SUMF1: variants seen among roughly 807,000 people sequenced by gnomAD.
SUMF1 encodes formylglycine-generating enzyme.
A neutral mutation model predicts 47.6 loss-of-function variants in SUMF1; 48 were observed. The observed-to-expected ratio is 1.01, with a 90% CI of 0.80 to 1.28. The LOEUF (loss-of-function observed/expected upper bound fraction) is 1.28. SUMF1 is among the 50% of genes most tolerant of loss of function. The pLI is 0.00. For synonymous variants in SUMF1, 230 were observed against 192.1 expected, an observed-to-expected ratio of 1.20 and a Z score of -1.63; for missense variants, 571 against 485.4, an observed-to-expected ratio of 1.18 and a Z score of -1.66.
intron 8 of SUMF1, among the ~76,000 whole-genome samples, chr3:4,348,819 G>A (rs920492882): frequency 6.6e-6 from 1 of 152,198 alleles, no homozygotes; most frequent in Non-Finnish European, 1.5e-5. Flanking sequence ...AGGTTGCGGT[G>A]AGCCAAGATC....
At chr3:4,150,535 G>A (rs1416702716) in intron 8 of SUMF1, among the ~76,000 whole-genome samples, 1 of 128,148 alleles carries the variant, frequency 7.8e-6, no homozygotes, top group African/African-American at 2.8e-5. Flanking sequence ...GCACTCCAGA[G>A]TGAGACTCCG....
intron 8 of SUMF1, among the ~76,000 whole-genome samples, chr3:4,120,355 G>A (rs1225820887): frequency 6.6e-6 from 1 of 152,104 alleles, no homozygotes; most frequent in African/African-American, 2.4e-5. Context: ...CTGAAAGCTT[G>A]TTAGATCTCA....
At chr3:4,134,411 T>G (rs1693870192) in intron 8 of SUMF1, among the ~76,000 whole-genome samples, 1 of 152,122 alleles carries the variant, frequency 6.6e-6, no homozygotes, top group African/African-American at 2.4e-5. Context: ...AGATGTTCTT[T>G]GAATCCAATG....
chr3:4,075,072 T>A (rs1005676234), intron 8 of SUMF1, among the ~76,000 whole-genome samples: 1 of 152,140 alleles, frequency 6.6e-6, no homozygotes, highest in Admixed American at 6.5e-5. Context: ...ATATCCCTGA[T>A]GAACATCAAT....
At chr3:4,228,277 CAT>C (rs1319455832) in intron 8 of SUMF1, among the ~76,000 whole-genome samples, 1 of 151,974 alleles carries the variant, frequency 6.6e-6, no homozygotes, top group Non-Finnish European at 1.5e-5. Flanking sequence ...TAACTCAAAA[CAT>C]AGTTATCCAC....
intron 8 of SUMF1, among the ~76,000 whole-genome samples, chr3:4,279,887 T>C (rs1226817231): frequency 2.0e-5 from 3 of 152,174 alleles, no homozygotes; most frequent in Non-Finnish European, 4.4e-5. Context: ...GTACTATATC[T>C]TATGAGACAC....
intron 8 of SUMF1, among the ~76,000 whole-genome samples, chr3:4,100,838 A>G (rs1363466046): frequency 6.6e-6 from 1 of 152,056 alleles, no homozygotes; most frequent in East Asian, 1.9e-4. Flanking sequence ...TAAAAAATGG[A>G]CAAAGAACTT....
intron 8 of SUMF1, among the ~76,000 whole-genome samples, chr3:4,367,843 GA>G (rs1466392896): frequency 6.6e-6 from 1 of 151,480 alleles, no homozygotes; most frequent in East Asian, 1.9e-4. Context: ...ATTCAAGATG[GA>G]TTAAAGACTT....
At chr3:4,036,895 G>GGAGAATCAT (rs1694810078) in intron 9 of SUMF1, among the ~76,000 whole-genome samples, 1 of 144,866 alleles carries the variant, frequency 6.9e-6, no homozygotes, top group Non-Finnish European at 1.5e-5. Context: ...GAAATCACAA[G>GGAGAATCAT]GAGAATCATA....
At chr3:4,072,828 G>C (rs146378393) in intron 8 of SUMF1, among the ~76,000 whole-genome samples, 6,360 of 152,254 alleles carry the variant, frequency 0.042, 412 homozygotes, top group East Asian at 0.19. Context: ...AGAAATATGG[G>C]ACTATGTGAA....
At chr3:4,065,072 T>C (rs562343260) in intron 9 of SUMF1, among the ~76,000 whole-genome samples, 1 of 152,304 alleles carries the variant, frequency 6.6e-6, no homozygotes, top group South Asian at 2.1e-4. Flanking sequence ...CTCTGATTTA[T>C]GGTATGTAAA....
intron 3 of SUMF1, among the ~76,000 whole-genome samples, chr3:4,426,017 A>G (rs1185703194): frequency 1.2e-4 from 18 of 152,242 alleles, no homozygotes; most frequent in Non-Finnish European, 1.5e-4. Context: ...ACCCAGCCCC[A>G]TGATTCAATC....
chr3:4,199,488 T>A (rs1487272589), intron 8 of SUMF1, among the ~76,000 whole-genome samples: 77 of 152,140 alleles, frequency 5.1e-4, no homozygotes, highest in Non-Finnish European at 2.5e-4. Flanking sequence ...GGCAAATACA[T>A]AGGAGAGAAA....
At chr3:4,239,900 T>C (rs922326322) in intron 8 of SUMF1, among the ~76,000 whole-genome samples, 4 of 152,204 alleles carry the variant, frequency 2.6e-5, no homozygotes, top group Non-Finnish European at 5.9e-5. Context: ...TGATATTGGC[T>C]GTGGGTTTGT....
chr3:4,192,081 A>T (rs1473546169), intron 8 of SUMF1, among the ~76,000 whole-genome samples: 1 of 152,138 alleles, frequency 6.6e-6, no homozygotes, highest in East Asian at 1.9e-4. Context: ...TGTGAAAGGC[A>T]GGAGGTACAC....
chr3:4,210,768 T>C (rs1275261229), intron 8 of SUMF1, among the ~76,000 whole-genome samples: 1 of 152,034 alleles, frequency 6.6e-6, no homozygotes, highest in African/African-American at 2.4e-5. Context: ...TGCAAAGTAT[T>C]GATCCTGAGT....
At chr3:4,284,479 G>A (rs1410050706) in intron 8 of SUMF1, among the ~76,000 whole-genome samples, 1 of 150,520 alleles carries the variant, frequency 6.6e-6, no homozygotes, top group Admixed American at 6.6e-5. Flanking sequence ...AGGAGAAGGA[G>A]GAGGAGGAGG....
intron 6 of SUMF1, chr3:4,414,733 G>A (rs1701652723): frequency 6.6e-6 from 1 of 152,218 alleles, no homozygotes; most frequent in Non-Finnish European, 1.5e-5. Flanking sequence ...CATCTGTAGA[G>A]TGTCCTTATT....
At chr3:4,050,748 C>CAAAAAAAAAAAAAAAAAA (rs34228101) in intron 9 of SUMF1, among the ~76,000 whole-genome samples, 1 of 86,976 alleles carries the variant, frequency 1.1e-5, no homozygotes. Flanking sequence ...GACCCTGTCT[C>CAAAAAAAAAAAAAAAAAA]AAAAAAAAAA....
Sources: gnomAD v4.1 joint callset for allele counts (sites outside exome capture counted in the v4.1 genomes callset) on GRCh38, gnomAD v4.1.1 for gene constraint, MANE v1.5 for transcripts, NCBI Gene and HGNC (gene_info 2026-07-23, HGNC 2026-07-21) for gene names.